The following KAZN variants were observed in gnomAD, a reference collection of about 807,000 sequenced individuals.
The protein encoded by KAZN is kazrin.
A neutral mutation model predicts 87.4 loss-of-function variants in KAZN; 40 were observed. That is an observed-to-expected ratio of 0.46 (90% CI 0.36 to 0.60). The LOEUF (loss-of-function observed/expected upper bound fraction) is 0.60, where lower values mean the gene tolerates loss of function less well. Among genes scored for constraint, KAZN ranks in the 20% least tolerant of loss-of-function variants. The pLI is 0.00. For synonymous variants in KAZN, 466 were observed against 458.3 expected (o/e 1.02, Z -0.22); for missense variants, 898 against 1,073.9 (o/e 0.84, Z 2.29).
intron 2 of KAZN, among the ~76,000 whole-genome samples, chr1:14,593,563 A>T (rs1250559347): frequency 6.6e-6 from 1 of 152,016 alleles, no homozygotes; most frequent in Non-Finnish European, 1.5e-5. Context: ...TGTTTTGGAA[A>T]CCCCAGGAGT....
At position 14,618,603 on chromosome 1, in the gene KAZN, C is replaced by T. The variant is rs111233992; in HGVS notation, c.226+19380C>T. On this transcript the variant is annotated intron_variant, in intron 1 of 14. Transcript: ENST00000376030. ...ATCCTCACATTGTTTTATTAGTAGTCCAATTTTGACAGGTCAGGCAACTGA... is the reference window on the plus strand; with the variant it reads ...ATCCTCACATTGTTTTATTAGTAGTTCAATTTTGACAGGTCAGGCAACTGA... 1.7e-3 allele frequency among the ~76,000 whole-genome samples: 266 copies of T among 152,246 alleles called. 2 individuals are homozygous for T. The highest frequency in any genetic ancestry group is 6.1e-3 in the African/African-American group (252 of 41,544).
At chr1:15,043,145 A>G (rs1673087476) in intron 3 of KAZN, among the ~76,000 whole-genome samples, 1 of 152,172 alleles carries the variant, frequency 6.6e-6, no homozygotes, top group Non-Finnish European at 1.5e-5. Context: ...TGCATTCAGG[A>G]CACAGCAACT....
chr1:14,807,640 G>A (rs1449950966), intron 1 of KAZN, among the ~76,000 whole-genome samples: 2 of 152,054 alleles, frequency 1.3e-5, no homozygotes, highest in African/African-American at 4.8e-5. Context: ...ATGGTGGTGT[G>A]CACCTGTGGT....
intron 2 of KAZN, among the ~76,000 whole-genome samples, chr1:14,305,069 A>G (rs1654828147): frequency 6.6e-6 from 1 of 152,070 alleles, no homozygotes; most frequent in Non-Finnish European, 1.5e-5. Flanking sequence ...CACATCCCTA[A>G]ATTTTAGAAA....
At chr1:15,031,392 A>G (rs958123844) in intron 2 of KAZN, among the ~76,000 whole-genome samples, 1 of 152,144 alleles carries the variant, frequency 6.6e-6, no homozygotes, top group South Asian at 2.1e-4. Context: ...TATTCTCTCC[A>G]GGAAAAGGAC....
At chr1:14,737,779 C>T (rs1328145126) in intron 1 of KAZN, among the ~76,000 whole-genome samples, 1 of 152,190 alleles carries the variant, frequency 6.6e-6, no homozygotes. Flanking sequence ...TGGCTGTTTG[C>T]CAGGTGCTGC....
intron 2 of KAZN, among the ~76,000 whole-genome samples, chr1:14,570,811 T>C (rs1674817899): frequency 6.6e-6 from 1 of 152,204 alleles, no homozygotes; most frequent in Admixed American, 6.5e-5. Context: ...CAAACTGTTT[T>C]TGCAAAGTGG....
chr1:14,633,169 G>A (rs961293062), intron 1 of KAZN, among the ~76,000 whole-genome samples: 15 of 152,002 alleles, frequency 9.9e-5, no homozygotes, highest in Non-Finnish European at 1.6e-4. Flanking sequence ...CACCTGCCTC[G>A]GCCTCCCATA....
chr1:14,719,281 G>A lies in KAZN; in HGVS notation c.226+120058G>A, dbSNP rs146957697. 4.6e-3 allele frequency among the ~76,000 whole-genome samples: 707 copies of A among 152,282 alleles called. 9 individuals carry two copies. Among genetic ancestry groups the A allele is most frequent in the African/African-American group, 0.016 (671 of 41,552 alleles). On this transcript the variant is annotated intron_variant, in intron 1 of 14. Transcript: ENST00000376030. ...TCATGACCATAGTCAACACATTTAC[G>A]CTGAGTGCATAGCATGTGTCAGGCA...
At chr1:14,702,258 G>A (rs74061306) in intron 1 of KAZN, among the ~76,000 whole-genome samples, 3,420 of 151,692 alleles carry the variant, frequency 0.023, 140 homozygotes, top group African/African-American at 0.079. Context: ...CCTCCGTGCA[G>A]GAGTTCTGAA....
intron 3 of KAZN, among the ~76,000 whole-genome samples, chr1:15,041,331 C>CTTTTTCTT (rs1553178770): frequency 2.1e-4 from 24 of 114,136 alleles, no homozygotes; most frequent in African/African-American, 7.1e-4. Flanking sequence ...CATTTTTTTT[C>CTTTTTCTT]TTTTTTTTTT....
chr1:14,093,665 A>AT (rs1032228186), intron 1 of KAZN, among the ~76,000 whole-genome samples: 3 of 152,142 alleles, frequency 2.0e-5, no homozygotes, highest in African/African-American at 7.2e-5. Context: ...TGAAAAAAAA[A>AT]CAAAAACAAA....
At chr1:14,983,953 TAATTAAATTA>T (rs531193897) in intron 2 of KAZN, among the ~76,000 whole-genome samples, 22 of 151,680 alleles carry the variant, frequency 1.5e-4, no homozygotes, top group Admixed American at 9.2e-4. Context: ...AAAAATAAAT[TAATTAAATTA>T]AATTAAATTA....
At chr1:14,366,848 C>G (rs1317574209) in intron 2 of KAZN, among the ~76,000 whole-genome samples, 1 of 152,208 alleles carries the variant, frequency 6.6e-6, no homozygotes, top group East Asian at 1.9e-4. Flanking sequence ...CATCTGCACC[C>G]CTGGTACCCA....
chr1:14,068,285 G>C (rs1449404398), intron 1 of KAZN, among the ~76,000 whole-genome samples: 2 of 152,186 alleles, frequency 1.3e-5, no homozygotes, highest in South Asian at 2.1e-4. Flanking sequence ...CGATGTTTTG[G>C]AAGAAGCAAC....
At chr1:14,370,384 T>A (rs1660380405) in intron 2 of KAZN, among the ~76,000 whole-genome samples, 1 of 152,210 alleles carries the variant, frequency 6.6e-6, no homozygotes, top group Admixed American at 6.5e-5. Context: ...GGCAGCAAGC[T>A]GCTCAGCCCC....
At chr1:14,284,339 CTGGT>C (rs1475195952) in intron 2 of KAZN, among the ~76,000 whole-genome samples, 3 of 152,038 alleles carry the variant, frequency 2.0e-5, no homozygotes, top group Non-Finnish European at 4.4e-5. Flanking sequence ...GATGCATGAG[CTGGT>C]TGCTGAGGAC....
intron 2 of KAZN, among the ~76,000 whole-genome samples, chr1:14,418,427 T>C (rs1261257537): frequency 6.6e-6 from 1 of 152,204 alleles, no homozygotes; most frequent in Admixed American, 6.5e-5. Flanking sequence ...CAGTGGCCAC[T>C]ACTTTTATTA....
At chr1:14,130,892 T>TTAATCAC (rs79893868) in intron 1 of KAZN, among the ~76,000 whole-genome samples, 97,607 of 151,572 alleles carry the variant, frequency 0.64, 32,242 homozygotes, top group East Asian at 0.76. Flanking sequence ...TCATTAATCA[T>TTAATCAC]ATTAATGAAA....
Sources: gnomAD v4.1 joint callset for allele counts (sites outside exome capture counted in the v4.1 genomes callset) on GRCh38, gnomAD v4.1.1 for gene constraint, MANE v1.5 for transcripts, NCBI Gene and HGNC (gene_info 2026-07-23, HGNC 2026-07-21) for gene names.